The following AP3B1 variants were observed in gnomAD, a reference collection of about 807,000 sequenced individuals.
The protein encoded by AP3B1 is adaptor related protein complex 3 subunit beta 1, also known as AP-3 complex subunit beta-1.
A neutral mutation model predicts 132.5 loss-of-function variants in AP3B1; 61 were observed. That is an observed-to-expected ratio of 0.46 (90% CI 0.37 to 0.57). AP3B1 has a LOEUF of 0.57. Among genes scored for constraint, AP3B1 ranks in the 20% least tolerant of loss-of-function variants. The pLI, the probability that AP3B1 is intolerant of heterozygous loss-of-function variation, is 0.00. For missense variants in AP3B1, 1,120 were observed against 1,289.4 expected (o/e 0.87, Z 2.01); for synonymous variants, 388 against 438.3 (o/e 0.89, Z 1.43).
chr5:78,018,010 CA>C (rs199587631), intron 25 of AP3B1, among the ~76,000 whole-genome samples: 57 of 150,652 alleles, frequency 3.8e-4, no homozygotes, highest in Middle Eastern at 3.4e-3. Context: ...AATAAAAATT[CA>C]AAAAAAATTC....
intron 20 of AP3B1, among the ~76,000 whole-genome samples, chr5:78,107,828 C>G (rs1047951740): frequency 7.9e-5 from 12 of 152,130 alleles, no homozygotes; most frequent in African/African-American, 2.9e-4. Flanking sequence ...TTACTTTTAG[C>G]ATTTGATGTT....
At chr5:78,021,951 A>G (rs922507488) in intron 24 of AP3B1, among the ~76,000 whole-genome samples, 3 of 152,186 alleles carry the variant, frequency 2.0e-5, no homozygotes, top group African/African-American at 7.2e-5. Flanking sequence ...ACAGCCTGTG[A>G]GATGGTAGCT....
At chr5:78,125,764 A>G (rs1378449871) in intron 17 of AP3B1, among the ~76,000 whole-genome samples, 2 of 152,190 alleles carry the variant, frequency 1.3e-5, no homozygotes, top group Admixed American at 6.5e-5. Context: ...AAATATAATC[A>G]GCAAAATGAA....
intron 21 of AP3B1, among the ~76,000 whole-genome samples, chr5:78,091,749 C>A (rs1750526908): frequency 6.6e-6 from 1 of 152,046 alleles, no homozygotes. Context: ...GGGGAACAGT[C>A]AAAAATCGAT....
intron 23 of AP3B1, among the ~76,000 whole-genome samples, chr5:78,038,605 A>G (rs1206841409): frequency 3.3e-5 from 5 of 152,262 alleles, no homozygotes; most frequent in African/African-American, 4.8e-5. Context: ...CATAAATTGA[A>G]AAGTGAAGGG....
chr5:78,169,004 T>C (rs1743784923), intron 11 of AP3B1, among the ~76,000 whole-genome samples: 1 of 152,222 alleles, frequency 6.6e-6, no homozygotes, highest in South Asian at 2.1e-4. Context: ...ATCATTCTAA[T>C]ATTGAACAGT....
intron 11 of AP3B1, among the ~76,000 whole-genome samples, chr5:78,170,871 AC>A (rs1743882134): frequency 6.6e-6 from 1 of 152,190 alleles, no homozygotes. Context: ...TTTAGCTCTA[AC>A]ATTTAAGTCT....
At chr5:78,108,386 C>A (rs915320385) in intron 20 of AP3B1, among the ~76,000 whole-genome samples, 1 of 152,044 alleles carries the variant, frequency 6.6e-6, no homozygotes, top group Non-Finnish European at 1.5e-5. Context: ...ATGGTATACA[C>A]CAAATCATTC....
At chr5:78,247,519 T>TA (rs1438495671) in intron 2 of AP3B1, among the ~76,000 whole-genome samples, 1 of 151,542 alleles carries the variant, frequency 6.6e-6, no homozygotes, top group Non-Finnish European at 1.5e-5. Context: ...TTTTTTTTTT[T>TA]ACTCCGTTTT....
At chr5:78,190,835 T>C (rs945537940) in intron 7 of AP3B1, among the ~76,000 whole-genome samples, 3 of 152,232 alleles carry the variant, frequency 2.0e-5, no homozygotes, top group Non-Finnish European at 4.4e-5. Flanking sequence ...AGCCATGTAA[T>C]TGAAACTATT....
At chr5:78,158,034 C>T (rs546632159) in intron 13 of AP3B1, among the ~76,000 whole-genome samples, 6 of 152,342 alleles carry the variant, frequency 3.9e-5, no homozygotes, top group Admixed American at 3.9e-4. Flanking sequence ...CCGGTGTGAG[C>T]CACCATGCCC....
chr5:78,091,696 G>A (rs929112176), intron 21 of AP3B1, among the ~76,000 whole-genome samples: 1 of 152,118 alleles, frequency 6.6e-6, no homozygotes, highest in African/African-American at 2.4e-5. Context: ...TGAGAGGTAG[G>A]AAATTGAAAA....
intron 14 of AP3B1, among the ~76,000 whole-genome samples, chr5:78,143,978 C>T (rs1180455642): frequency 6.6e-6 from 1 of 151,970 alleles, no homozygotes; most frequent in African/African-American, 2.4e-5. Flanking sequence ...GCACTCCAGC[C>T]TGGGTGACAG....
At chr5:78,086,573 T>C (rs1253836470) in intron 22 of AP3B1, among the ~76,000 whole-genome samples, 1 of 152,152 alleles carries the variant, frequency 6.6e-6, no homozygotes, top group African/African-American at 2.4e-5. Context: ...CATAATGCTT[T>C]GACGTTTACA....
intron 5 of AP3B1, 29 bp downstream of exon 5, chr5:78,227,343 C>G: frequency 6.2e-7 from 1 of 1,604,888 alleles, no homozygotes; most frequent in East Asian, 2.2e-5. Flanking sequence ...CATCAGAGAT[C>G]TTTGGTATAT....
chr5:78,165,842 G>A (rs1301096641), intron 11 of AP3B1, among the ~76,000 whole-genome samples, 170 bp from the exon 12 acceptor site: 1 of 152,178 alleles, frequency 6.6e-6, no homozygotes, highest in Non-Finnish European at 1.5e-5. Context: ...GCCGAGGCGG[G>A]CGGATCACCT....
intron 8 of AP3B1, among the ~76,000 whole-genome samples, chr5:78,178,975 A>T (rs936059360): frequency 6.6e-6 from 1 of 152,180 alleles, no homozygotes; most frequent in African/African-American, 2.4e-5. Flanking sequence ...CATTTCTTGT[A>T]CTTTCTTACA....
chr5:78,015,304 A>T, intron 26 of AP3B1, 106 bp downstream of exon 26: 1 of 1,169,932 alleles, frequency 8.5e-7, no homozygotes, highest in Non-Finnish European at 1.2e-6. Context: ...GTATATATAT[A>T]TATGTTTAGG....
chr5:78,188,512 A>C (rs1448128643), intron 7 of AP3B1, among the ~76,000 whole-genome samples: 2 of 152,346 alleles, frequency 1.3e-5, no homozygotes, highest in South Asian at 4.1e-4. Context: ...GAGAAATGCA[A>C]ATCAAAACCA....
Sources: gnomAD v4.1 joint callset for allele counts (sites outside exome capture counted in the v4.1 genomes callset) on GRCh38, gnomAD v4.1.1 for gene constraint, MANE v1.5 for transcripts, NCBI Gene and HGNC (gene_info 2026-07-23, HGNC 2026-07-21) for gene names.